Variants in NRXN3 observed in about 807,000 individuals in gnomAD.
The protein encoded by NRXN3 is neurexin 3.
A neutral mutation model predicts 137.6 loss-of-function variants in NRXN3; 32 were observed. That is an observed-to-expected ratio of 0.23 (90% confidence interval 0.18 to 0.31). NRXN3 has a LOEUF of 0.31. Among genes scored for constraint, NRXN3 ranks in the 10% least tolerant of loss-of-function variants. The probability of loss-of-function intolerance (pLI) is 1.00; values close to 1 mark genes in which losing one functional copy is unlikely to be tolerated. For synonymous variants in NRXN3, 798 were observed against 784.5 expected (o/e 1.02, Z -0.29); for missense variants, 1,574 against 2,062.5 (o/e 0.76, Z 4.59).
At chr14:79,845,875 A>G (rs199958384) in intron 20 of NRXN3, among the ~76,000 whole-genome samples, 1 of 43,856 alleles carries the variant, frequency 2.3e-5, no homozygotes, top group Non-Finnish European at 5.0e-5. Context: ...AGAGAGATGG[A>G]GAGAGAGAGA....
At chr14:78,428,450 C>G (rs1480716009) in intron 4 of NRXN3, among the ~76,000 whole-genome samples, 1 of 152,068 alleles carries the variant, frequency 6.6e-6, no homozygotes, top group East Asian at 1.9e-4. Flanking sequence ...CCAACTCTAT[C>G]CCAACTATAT....
At chr14:78,915,345 C>CAAAAAAAAA (rs35908076) in intron 10 of NRXN3, among the ~76,000 whole-genome samples, 7 of 11,190 alleles carry the variant, frequency 6.3e-4, no homozygotes, top group Admixed American at 1.1e-3. Flanking sequence ...ACGTGTGAAG[C>CAAAAAAAAA]AAAAAAAAAA....
chr14:79,814,925 C>T (rs897857251), intron 20 of NRXN3, among the ~76,000 whole-genome samples: 2 of 152,178 alleles, frequency 1.3e-5, no homozygotes, highest in South Asian at 2.1e-4. Flanking sequence ...TCACTGGTTC[C>T]ACCTCATGCA....
At chr14:79,043,646 C>T (rs2099628532) in intron 15 of NRXN3, among the ~76,000 whole-genome samples, 1 of 152,102 alleles carries the variant, frequency 6.6e-6, no homozygotes, top group Non-Finnish European at 1.5e-5. Context: ...TCCTGCTGTA[C>T]AGGTCTTGGG....
intron 16 of NRXN3, among the ~76,000 whole-genome samples, chr14:79,573,949 T>C (rs1346876015): frequency 6.6e-6 from 1 of 152,122 alleles, no homozygotes; most frequent in Non-Finnish European, 1.5e-5. Flanking sequence ...TATTATTATA[T>C]TGTAAGCTTA....
chr14:78,376,572 C>T (rs925252573), intron 4 of NRXN3, among the ~76,000 whole-genome samples: 5 of 152,120 alleles, frequency 3.3e-5, no homozygotes, highest in African/African-American at 1.2e-4. Flanking sequence ...CCTTGGGACT[C>T]GTGGGAATAC....
chr14:79,451,215 G>T (rs1426089539), intron 15 of NRXN3, among the ~76,000 whole-genome samples: 2 of 151,866 alleles, frequency 1.3e-5, no homozygotes. Context: ...TATTTCTGAG[G>T]AACTCATAAT....
At chr14:79,684,029 A>G (rs2098683705) in intron 17 of NRXN3, among the ~76,000 whole-genome samples, 1 of 152,330 alleles carries the variant, frequency 6.6e-6, no homozygotes, top group South Asian at 2.1e-4. Flanking sequence ...TAGATATTTT[A>G]TAGCTCCATC....
At chr14:78,663,853 A>G (rs1398656902) in intron 6 of NRXN3, among the ~76,000 whole-genome samples, 2 of 152,238 alleles carry the variant, frequency 1.3e-5, no homozygotes, top group Non-Finnish European at 2.9e-5. Context: ...AGGAGATTAA[A>G]AAAACACTAG....
At chr14:79,799,121 A>G (rs2099169257) in intron 19 of NRXN3, among the ~76,000 whole-genome samples, 1 of 152,220 alleles carries the variant, frequency 6.6e-6, no homozygotes, top group Admixed American at 6.5e-5. Flanking sequence ...GGAAAGGAAT[A>G]CATAGGGCTC....
rs1475081421 is a variant in NRXN3, at chr14:78,514,220, A to G, written c.758-130900A>G. 3.3e-5 allele frequency among the ~76,000 whole-genome samples: 5 copies of G among 152,164 alleles called. No individual in the cohort carries two copies. In the East Asian group the frequency reaches 7.7e-4, roughly 23 times the overall value. The stretch of plus-strand genomic sequence containing the variant: ...AATGAAAGAGATGTCACAGAGTTGT[A>G]TATAGTATAACATTAACTAATATTT... On this transcript the variant is annotated intron_variant, in intron 4 of 20. Transcript: ENST00000335750.
intron 15 of NRXN3, among the ~76,000 whole-genome samples, chr14:79,436,401 G>A (rs2095846910): frequency 6.6e-6 from 1 of 152,172 alleles, no homozygotes; most frequent in African/African-American, 2.4e-5. Flanking sequence ...CATACTGAAA[G>A]TTGTAATAGA....
In NRXN3 at chr14:78,968,333, G is replaced by T. The variant is rs145218334; in HGVS notation, c.3129G>T (p.Glu1043Asp). Residue 1043 changes from glutamate to aspartate, a missense_variant, in exon 14 of 21, where the codon GAG becomes GAT. Around this residue, in one of 5 missense-constraint regions of NRXN3, gnomAD observed 718 missense variants for 887.6 expected, o/e 0.81. Coordinates refer to ENST00000335750, the MANE Select transcript of NRXN3 (RefSeq NM_001330195.2). ...CTCTTCATCGGAGCGGACAGATCGA[G>T]CGTGGCTGTGAAGGTACAACCTATT... is the stretch of plus-strand genomic sequence containing the variant. ...NDALHRSGQI[E>D]RGCEGPSTTC... is the part of the protein sequence containing the mutation. 2.5e-6 allele frequency: 4 copies of T among 1,613,428 alleles called. No homozygotes were observed. The highest frequency in any genetic ancestry group is 3.4e-6 in the Non-Finnish European group (4 of 1,179,638).
At chr14:78,526,687 G>C (rs892503363) in intron 4 of NRXN3, 5 of 501,674 alleles carry the variant, frequency 1.0e-5, no homozygotes, top group Non-Finnish European at 2.0e-5. Context: ...CCGTGCACTA[G>C]GGTAAGCACT....
intron 4 of NRXN3, chr14:78,403,739 C>T (rs935563301): frequency 3.0e-6 from 3 of 985,258 alleles, no homozygotes; most frequent in South Asian, 4.7e-5. Context: ...TCAATTGCTC[C>T]GGGAGAGACA....
intron 15 of NRXN3, among the ~76,000 whole-genome samples, chr14:79,393,881 GT>G (rs1024346576): frequency 6.8e-4 from 103 of 152,240 alleles, no homozygotes; most frequent in African/African-American, 2.5e-3. Flanking sequence ...AGCAAACAAA[GT>G]TGACCTAGAT....
intron 15 of NRXN3, among the ~76,000 whole-genome samples, chr14:79,448,218 C>T (rs1312048794): frequency 6.6e-6 from 1 of 152,156 alleles, no homozygotes; most frequent in Non-Finnish European, 1.5e-5. Context: ...CTGCCTTGAA[C>T]TCTCCTCCTT....
intron 16 of NRXN3, among the ~76,000 whole-genome samples, chr14:79,624,802 TGTTTG>T (rs1440992052): frequency 2.2e-4 from 26 of 116,332 alleles, no homozygotes; most frequent in African/African-American, 5.3e-4. Context: ...TTTTTTTTTT[TGTTTG>T]TTTTTGTTTT....
At chr14:79,395,061 C>T (rs1365372336) in intron 15 of NRXN3, among the ~76,000 whole-genome samples, 1 of 152,168 alleles carries the variant, frequency 6.6e-6, no homozygotes, top group East Asian at 1.9e-4. Context: ...ATTGTCTTCA[C>T]TATTGAGTAC....
Sources: gnomAD v4.1 joint callset for allele counts (sites outside exome capture counted in the v4.1 genomes callset) on GRCh38, gnomAD v4.1.1 for gene constraint, gnomAD v4.1.1 regional missense constraint, MANE v1.5 for transcripts, NCBI Gene and HGNC (gene_info 2026-07-23, HGNC 2026-07-21) for gene names.